The following STXBP5L variants were observed in gnomAD, a reference collection of about 807,000 sequenced individuals.
STXBP5L encodes syntaxin binding protein 5L.
A neutral mutation model predicts 144.5 loss-of-function variants in STXBP5L; 65 were observed. That is an observed-to-expected ratio of 0.45 (90% confidence interval 0.37 to 0.55). STXBP5L has a LOEUF of 0.55. Among genes scored for constraint, STXBP5L ranks in the 20% least tolerant of loss-of-function variants. The pLI, the probability that STXBP5L is intolerant of heterozygous loss-of-function variation, is 0.00. For missense variants in STXBP5L, 1,298 were observed against 1,405.5 expected (o/e 0.92, Z 1.22); for synonymous variants, 505 against 469.6 (o/e 1.08, Z -0.97).
At chr3:121,353,877 A>C (rs140081770) in intron 20 of STXBP5L, among the ~76,000 whole-genome samples, 1 of 152,046 alleles carries the variant, frequency 6.6e-6, no homozygotes, top group Non-Finnish European at 1.5e-5. Context: ...ATTCTGGTAC[A>C]TTGTTCTTTG....
intron 5 of STXBP5L, among the ~76,000 whole-genome samples, chr3:121,100,431 AT>A (rs1404605634): frequency 6.6e-6 from 1 of 151,862 alleles, no homozygotes. Flanking sequence ...AAAATAATCA[AT>A]ACCAAGATCT....
intron 3 of STXBP5L, among the ~76,000 whole-genome samples, chr3:120,990,471 T>A (rs992564646): frequency 6.6e-6 from 1 of 152,124 alleles, no homozygotes; most frequent in Non-Finnish European, 1.5e-5. Flanking sequence ...AAAGTTCATA[T>A]GGAACCAAAA....
At chr3:120,979,606 C>T (rs191689115) in intron 3 of STXBP5L, among the ~76,000 whole-genome samples, 47 of 152,240 alleles carry the variant, frequency 3.1e-4, no homozygotes, top group Admixed American at 9.8e-4. Context: ...CCGGTACCTC[C>T]GATGGAAATG....
intron 20 of STXBP5L, among the ~76,000 whole-genome samples, chr3:121,339,591 T>G (rs1204892174): frequency 6.6e-6 from 1 of 151,854 alleles, no homozygotes; most frequent in Non-Finnish European, 1.5e-5. Context: ...AGAAAGGAAT[T>G]CCAAATCAGA....
chr3:120,944,851 A>C (rs902926535), intron 2 of STXBP5L, among the ~76,000 whole-genome samples: 26 of 151,832 alleles, frequency 1.7e-4, no homozygotes, highest in African/African-American at 5.8e-4. Flanking sequence ...GCAGGAAATT[A>C]TTCAGCAATA....
At chr3:121,101,768 A>T (rs140593223) in intron 5 of STXBP5L, among the ~76,000 whole-genome samples, 4 of 152,244 alleles carry the variant, frequency 2.6e-5, no homozygotes, top group African/African-American at 9.6e-5. Context: ...AAAGGCATCC[A>T]ACTAGGAAAA....
At chr3:120,986,687 T>C (rs1159955246) in intron 3 of STXBP5L, among the ~76,000 whole-genome samples, 1 of 151,628 alleles carries the variant, frequency 6.6e-6, no homozygotes, top group Non-Finnish European at 1.5e-5. Flanking sequence ...TTGAAAAAAC[T>C]AAAGGAAGAT....
intron 3 of STXBP5L, among the ~76,000 whole-genome samples, chr3:120,972,343 T>C (rs1940368323): frequency 2.0e-5 from 3 of 152,086 alleles, no homozygotes; most frequent in South Asian, 2.1e-4. Flanking sequence ...GCAAATCCGA[T>C]TGAATTCTTG....
At chr3:120,960,799 T>C (rs986398216) in intron 3 of STXBP5L, among the ~76,000 whole-genome samples, 5 of 152,088 alleles carry the variant, frequency 3.3e-5, no homozygotes, top group African/African-American at 1.2e-4. Context: ...TTAGGAGATA[T>C]ACGTAATGTA....
chr3:121,188,797 T>C (rs2047508410), intron 9 of STXBP5L, among the ~76,000 whole-genome samples: 1 of 152,216 alleles, frequency 6.6e-6, no homozygotes, highest in Non-Finnish European at 1.5e-5. Context: ...TAGGTATTGA[T>C]GGAACATATC....
intron 16 of STXBP5L, 71 bp from the exon 17 acceptor site, chr3:121,257,090 A>G (rs2050230115): frequency 2.5e-6 from 3 of 1,182,210 alleles, no homozygotes; most frequent in Non-Finnish European, 3.6e-6. Context: ...ATTATTTATT[A>G]TGACTTAGAT....
chr3:120,993,695 C>G (rs1264759534), intron 3 of STXBP5L, among the ~76,000 whole-genome samples: 1 of 151,640 alleles, frequency 6.6e-6, no homozygotes, highest in Non-Finnish European at 1.5e-5. Context: ...GCTGTTTTGT[C>G]TATATTGCCT....
intron 19 of STXBP5L, among the ~76,000 whole-genome samples, chr3:121,313,989 T>C: frequency 6.6e-6 from 1 of 150,460 alleles, no homozygotes; most frequent in Non-Finnish European, 1.5e-5. Context: ...TCCCCACATC[T>C]CAGACGATGG....
chr3:121,344,187 G>A (rs966479669), intron 20 of STXBP5L, among the ~76,000 whole-genome samples: 6 of 152,046 alleles, frequency 3.9e-5, no homozygotes, highest in African/African-American at 1.4e-4. Flanking sequence ...GGGAAAACTG[G>A]CTAGCCATAT....
intron 3 of STXBP5L, among the ~76,000 whole-genome samples, chr3:121,001,439 A>T (rs1943766561): frequency 6.6e-6 from 1 of 152,166 alleles, no homozygotes; most frequent in Non-Finnish European, 1.5e-5. Flanking sequence ...ACAGTCAAAA[A>T]ATACCTAAGC....
Position 121,362,178 on chromosome 3 carries a change from TG to T in STXBP5L, c.2177-16533del, listed in dbSNP as rs1227547068. ...CTCTCTATTCTAAGCCACCTTAAGC[TG>T]GGGGTGAAGTGACACCCTTGTGGCC... On this transcript the variant is annotated intron_variant, in intron 20 of 26. Coordinates refer to ENST00000471454, the MANE Select transcript of STXBP5L (RefSeq NM_001308330.2). Among the ~76,000 whole-genome samples, 3 of 152,240 alleles carry T rather than the reference TG, an allele frequency of 2.0e-5. No individual in the cohort carries two copies. The East Asian group carries it at 5.8e-4, about 29-fold the overall frequency.
At chr3:121,159,627 C>CTTTTTT (rs1161847567) in intron 9 of STXBP5L, among the ~76,000 whole-genome samples, 55 of 121,932 alleles carry the variant, frequency 4.5e-4, no homozygotes, top group East Asian at 7.1e-4. Flanking sequence ...TGTACATTTT[C>CTTTTTT]TTTTTTTTTT....
chr3:121,389,018 C>T (rs557508072), intron 22 of STXBP5L, among the ~76,000 whole-genome samples: 1 of 152,282 alleles, frequency 6.6e-6, no homozygotes, highest in South Asian at 2.1e-4. Context: ...TCCATCTGAT[C>T]CTGGACTTTT....
chr3:121,282,115 A>G (rs2108443972), intron 19 of STXBP5L: 2,331 of 263,772 alleles, frequency 8.8e-3, no homozygotes, highest in East Asian at 0.022. Context: ...TTTTATTAAT[A>G]TCTCCTTCTA....
Sources: allele counts gnomAD v4.1 joint callset (sites outside exome capture counted in the v4.1 genomes callset), GRCh38; gene constraint gnomAD v4.1.1; transcripts MANE v1.5; gene names NCBI Gene and HGNC (gene_info 2026-07-23, HGNC 2026-07-21).